FMN1: variants seen among roughly 807,000 people sequenced by gnomAD.
FMN1 encodes the protein formin-1.
FMN1 carries 110 observed loss-of-function variants against 132.4 expected under a neutral mutation model. The observed-to-expected ratio is 0.83, with a 90% CI of 0.71 to 0.97. FMN1 has a LOEUF of 0.97. Ranked by LOEUF, FMN1 falls within the 50% of genes least tolerant of loss-of-function variation. The pLI is 0.00. For synonymous variants in FMN1, 722 were observed against 651.7 expected, an observed-to-expected ratio of 1.11 and a Z score of -1.64; for missense variants, 1,792 against 1,705.3, an observed-to-expected ratio of 1.05 and a Z score of -0.90.
At chr15:33,041,258 T>G (rs769460870) in intron 6 of FMN1, among the ~76,000 whole-genome samples, 1 of 151,636 alleles carries the variant, frequency 6.6e-6, no homozygotes. Context: ...GATAGAAGAG[T>G]ATTAACCAGA....
intron 12 of FMN1, among the ~76,000 whole-genome samples, chr15:32,903,753 C>T (rs891631141): frequency 9.9e-5 from 15 of 152,114 alleles, no homozygotes; most frequent in Non-Finnish European, 1.9e-4. Flanking sequence ...CAATATGAGG[C>T]GACAAGACCA....
intron 6 of FMN1, among the ~76,000 whole-genome samples, chr15:33,034,065 T>C (rs2036077275): frequency 6.6e-6 from 1 of 152,110 alleles, no homozygotes; most frequent in African/African-American, 2.4e-5. Context: ...GTCTCAAAGT[T>C]TTAAACACCA....
chr15:32,949,208 G>A (rs192252615), intron 9 of FMN1, among the ~76,000 whole-genome samples: 4 of 151,682 alleles, frequency 2.6e-5, no homozygotes, highest in Admixed American at 2.6e-4. Context: ...AATTCATATG[G>A]TACCAAAAAA....
At chr15:32,784,982 C>A (rs56292939) in intron 19 of FMN1, among the ~76,000 whole-genome samples, 1,794 of 151,936 alleles carry the variant, frequency 0.012, 32 homozygotes, top group African/African-American at 0.041. Context: ...TGGCTTCTCC[C>A]AACTTAATTC....
At chr15:32,821,782 G>A (rs932372390) in intron 17 of FMN1, among the ~76,000 whole-genome samples, 1 of 151,974 alleles carries the variant, frequency 6.6e-6, no homozygotes, top group Non-Finnish European at 1.5e-5. Context: ...TTATACCTGT[G>A]ATTTTAAGGT....
intron 8 of FMN1, among the ~76,000 whole-genome samples, chr15:32,965,985 AC>A (rs1301052529): frequency 2.0e-5 from 3 of 151,944 alleles, no homozygotes; most frequent in East Asian, 3.9e-4. Context: ...GCTGGGGGAG[AC>A]GGGGGAGAAG....
chr15:33,078,505 T>A (rs1323186998), intron 5 of FMN1, among the ~76,000 whole-genome samples: 1 of 152,212 alleles, frequency 6.6e-6, no homozygotes, highest in African/African-American at 2.4e-5. Context: ...CAAAGTCACA[T>A]ACTTTCTATA....
chr15:33,015,775 C>T (rs72719367), intron 6 of FMN1, among the ~76,000 whole-genome samples: 18,070 of 152,160 alleles, frequency 0.12, 1,150 homozygotes, highest in Non-Finnish European at 0.14. Context: ...ACTTAGCACA[C>T]ACACCGGCAA....
chr15:33,142,788 G>A (rs1964060365), intron 4 of FMN1, among the ~76,000 whole-genome samples: 1 of 152,214 alleles, frequency 6.6e-6, no homozygotes, highest in South Asian at 2.1e-4. Flanking sequence ...GGTGAGCCTT[G>A]CAGAACTCCC....
At chr15:32,929,981 A>ATTTTTTTTT (rs377263342) in intron 9 of FMN1, among the ~76,000 whole-genome samples, 1 of 91,970 alleles carries the variant, frequency 1.1e-5, no homozygotes, top group East Asian at 3.0e-4. Flanking sequence ...CTATTTTTAA[A>ATTTTTTTTT]TTTTTTTTTT....
intron 7 of FMN1, among the ~76,000 whole-genome samples, chr15:32,995,729 T>C (rs2033728541): frequency 6.6e-6 from 1 of 152,246 alleles, no homozygotes; most frequent in South Asian, 2.1e-4. Context: ...AATTATAGTT[T>C]AGAAAATTTG....
At chr15:32,813,126 T>C (rs1348258741) in intron 17 of FMN1, among the ~76,000 whole-genome samples, 1 of 152,174 alleles carries the variant, frequency 6.6e-6, no homozygotes, top group Non-Finnish European at 1.5e-5. Flanking sequence ...AATCTAGAGA[T>C]GATTTAAAGA....
At chr15:32,835,897 G>C (rs1318540653) in intron 17 of FMN1, among the ~76,000 whole-genome samples, 4 of 152,034 alleles carry the variant, frequency 2.6e-5, no homozygotes. Flanking sequence ...TTCTCACTCT[G>C]TTACCCAGGC....
intron 2 of FMN1, among the ~76,000 whole-genome samples, chr15:33,192,857 C>T (rs1300178541): frequency 3.3e-5 from 5 of 152,164 alleles, no homozygotes; most frequent in African/African-American, 7.2e-5. Flanking sequence ...TATATTATCT[C>T]GTTTAATCCT....
intron 7 of FMN1, among the ~76,000 whole-genome samples, chr15:32,973,920 CA>C (rs2031995338): frequency 6.6e-6 from 1 of 152,122 alleles, no homozygotes; most frequent in African/African-American, 2.4e-5. Context: ...TATCCAGATA[CA>C]CAGCTAGAAA....
At chr15:33,128,165 G>A (rs926434036) in intron 4 of FMN1, among the ~76,000 whole-genome samples, 1 of 145,370 alleles carries the variant, frequency 6.9e-6, no homozygotes, top group Non-Finnish European at 1.5e-5. Context: ...GTAGGATGGA[G>A]AAATAAAGCA....
Position 32,823,152 on chromosome 15 carries a change from G to GTTTTTTTTTTTTTT in FMN1, c.3929-18834_3929-18821dup, listed in dbSNP as rs373185751. 9.3e-5 allele frequency among the ~76,000 whole-genome samples: 8 copies of GTTTTTTTTTTTTTT among 86,226 alleles called. 1 individual carries two copies. The highest frequency in any genetic ancestry group is 4.3e-4 in the African/African-American group (8 of 18,752). The allele number at this position is 86,226 out of a possible 152,430, so 56.6% of individuals were successfully genotyped here. ...GTCTCAAAGACAGAGAGTTTCTACT[G>GTTTTTTTTTTTTTT]TTTTTTTTTTTTTTTTTTTTTTTTT... On this transcript the variant is annotated intron_variant, in intron 17 of 20. Transcript: ENST00000616417.
At chr15:32,974,564 A>G (rs915824771) in intron 7 of FMN1, among the ~76,000 whole-genome samples, 6 of 152,202 alleles carry the variant, frequency 3.9e-5, no homozygotes, top group Non-Finnish European at 8.8e-5. Flanking sequence ...TCCCATTAGA[A>G]TCACCTGGAG....
chr15:33,095,105 TG>T (rs1228026014), intron 4 of FMN1, among the ~76,000 whole-genome samples: 5 of 152,160 alleles, frequency 3.3e-5, no homozygotes, highest in African/African-American at 7.2e-5. Context: ...TCCAGCACTT[TG>T]GGAAGCTGAG....
Sources: gnomAD v4.1 joint callset for allele counts (sites outside exome capture counted in the v4.1 genomes callset) on GRCh38, gnomAD v4.1.1 for gene constraint, MANE v1.5 for transcripts, NCBI Gene and HGNC (gene_info 2026-07-23, HGNC 2026-07-21) for gene names.